ATG14: variants seen among roughly 807,000 people sequenced by gnomAD.
ATG14 encodes the protein autophagy related 14.
A neutral mutation model predicts 60.4 loss-of-function variants in ATG14; 35 were observed. The ratio of observed to expected loss-of-function variants is 0.58; its 90% CI spans 0.44 to 0.77. ATG14 has a LOEUF of 0.77. Among genes scored for constraint, ATG14 ranks in the 30% least tolerant of loss-of-function variants. ATG14 has a pLI of 0.00. For synonymous variants in ATG14, 234 were observed against 228.8 expected (o/e 1.02, Z -0.21); for missense variants, 647 against 626.3 (o/e 1.03, Z -0.35).
At chr14:55,392,775 T>C (rs941480640) in intron 3 of ATG14, among the ~76,000 whole-genome samples, 3 of 152,134 alleles carry the variant, frequency 2.0e-5, no homozygotes, top group African/African-American at 4.8e-5. Context: ...GTTACACTTA[T>C]CTAAGTAGTC....
At chr14:55,373,539 A>C (rs913708881) in intron 9 of ATG14, among the ~76,000 whole-genome samples, 30 of 152,164 alleles carry the variant, frequency 2.0e-4, no homozygotes, top group Non-Finnish European at 3.7e-4. Flanking sequence ...AGCTCACTGC[A>C]AACTCCGCCT....
chr14:55,372,427 T>C (rs1421601911), intron 9 of ATG14, among the ~76,000 whole-genome samples: 1 of 152,126 alleles, frequency 6.6e-6, no homozygotes, highest in Non-Finnish European at 1.5e-5. Flanking sequence ...TTCTGTTCTG[T>C]TCAGCTGTGC....
intron 3 of ATG14, among the ~76,000 whole-genome samples, chr14:55,392,384 C>G (rs927971980): frequency 4.6e-5 from 7 of 152,138 alleles, no homozygotes; most frequent in African/African-American, 1.7e-4. Flanking sequence ...TGCAGTGACT[C>G]ACACCTGTAA....
chr14:55,390,088 G>C (rs1885188697), intron 4 of ATG14, among the ~76,000 whole-genome samples: 1 of 151,046 alleles, frequency 6.6e-6, no homozygotes. Context: ...TTTTTTTTTT[G>C]AGACAGAGTT....
At chr14:55,400,328 AGTGT>A (rs1464511348) in intron 1 of ATG14, among the ~76,000 whole-genome samples, 3 of 152,228 alleles carry the variant, frequency 2.0e-5, no homozygotes, top group Non-Finnish European at 4.4e-5. Flanking sequence ...AGTTTTTAAA[AGTGT>A]GTGTAGGGGG....
At chr14:55,402,927 ATATATATATATATATAT>A (rs1283845234) in intron 1 of ATG14, among the ~76,000 whole-genome samples, 1 of 8,928 alleles carries the variant, frequency 1.1e-4, no homozygotes, top group Admixed American at 1.2e-3. Flanking sequence ...AAAAAAAAAA[ATATATATATATATATAT>A]ATATATATAT....
intron 1 of ATG14, among the ~76,000 whole-genome samples, chr14:55,400,601 T>G (rs1379808485): frequency 6.6e-6 from 1 of 152,132 alleles, no homozygotes; most frequent in African/African-American, 2.4e-5. Context: ...CATGAGAAAT[T>G]CCTACAAATA....
chr14:55,395,276 A>C, intron 3 of ATG14: 1 of 326,188 alleles, frequency 3.1e-6, no homozygotes, highest in Non-Finnish European at 6.2e-6. Flanking sequence ...TGCGAGGCAT[A>C]GTGCATCTAG....
intron 3 of ATG14, 52 bp from the exon 4 acceptor site, chr14:55,391,044 A>G (rs747949426): frequency 1.6e-6 from 2 of 1,221,360 alleles, no homozygotes; most frequent in Non-Finnish European, 2.3e-6. Flanking sequence ...TATGGTTAAT[A>G]TGATTATCTA....
chr14:55,381,555 A>C (rs1392746242), intron 6 of ATG14, among the ~76,000 whole-genome samples: 1 of 152,228 alleles, frequency 6.6e-6, no homozygotes, highest in Non-Finnish European at 1.5e-5. Flanking sequence ...ATGATGGAAT[A>C]TTACTCAACC....
intron 1 of ATG14, among the ~76,000 whole-genome samples, chr14:55,409,764 G>A (rs1188853823): frequency 1.3e-5 from 2 of 152,156 alleles, no homozygotes; most frequent in Non-Finnish European, 2.9e-5. Context: ...ATAGAACTTT[G>A]GTTAAGGACT....
intron 9 of ATG14, among the ~76,000 whole-genome samples, chr14:55,372,837 C>G (rs1285838959): frequency 1.3e-5 from 2 of 152,132 alleles, no homozygotes; most frequent in Non-Finnish European, 2.9e-5. Flanking sequence ...AGGAAATGTC[C>G]AAGTTCCCGG....
At chr14:55,401,292 G>A (rs1210147231) in intron 1 of ATG14, among the ~76,000 whole-genome samples, 1 of 150,944 alleles carries the variant, frequency 6.6e-6, no homozygotes, top group Non-Finnish European at 1.5e-5. Flanking sequence ...GGATTATTTA[G>A]CAGGGAAATT....
intron 1 of ATG14, 49 bp downstream of exon 1, chr14:55,411,553 T>G: frequency 1.3e-6 from 2 of 1,544,322 alleles, no homozygotes. Context: ...GCTGCCTGGC[T>G]GGAGGACACA....
In ATG14 at chr14:55,369,774, G is replaced by A. The variant is rs1173584959; in HGVS notation, c.1324C>T (p.Arg442Trp). The A allele has an allele frequency of 6.8e-6, 11 of 1,614,054 alleles. No homozygotes were observed. The highest frequency in any genetic ancestry group is 1.3e-5 in the African/African-American group (1 of 74,912). Reference sequence around the variant, plus strand: ...GACTGGGAAGGGATATCACAAAACCGGGGACTAGGCAAGTTCTCCCAGTCT... The same window carrying A: ...GACTGGGAAGGGATATCACAAAACCAGGGACTAGGCAAGTTCTCCCAGTCT... Reference protein sequence around the residue: ...GTDWENLPSPRFCDIPSQSVE... With the variant: ...GTDWENLPSPWFCDIPSQSVE... Residue 442 changes from arginine (R) to tryptophan (W), a missense_variant, in exon 10 of 10, where the codon CGG (arginine) becomes TGG (tryptophan). Transcript: ENST00000247178.
At chr14:55,405,871 C>A (rs997116563) in intron 1 of ATG14, among the ~76,000 whole-genome samples, 1 of 151,384 alleles carries the variant, frequency 6.6e-6, no homozygotes, top group Non-Finnish European at 1.5e-5. Flanking sequence ...GCCTGGGTCT[C>A]CCCTGGGGGT....
At chr14:55,389,298 G>A (rs558398699) in intron 4 of ATG14, among the ~76,000 whole-genome samples, 4 of 151,912 alleles carry the variant, frequency 2.6e-5, no homozygotes, top group East Asian at 1.9e-4. Context: ...ATGGTAAGAC[G>A]GGGAGAGCAT....
chr14:55,390,077 C>CA (rs1885188387), intron 4 of ATG14, among the ~76,000 whole-genome samples: 2 of 150,208 alleles, frequency 1.3e-5, no homozygotes, highest in East Asian at 2.0e-4. Flanking sequence ...CATTCCTTAA[C>CA]TTTTTTTTTT....
At chr14:55,376,107 G>A (rs976586105) in intron 9 of ATG14, among the ~76,000 whole-genome samples, 2 of 152,162 alleles carry the variant, frequency 1.3e-5, no homozygotes, top group Non-Finnish European at 2.9e-5. Context: ...TACTACTGTG[G>A]AGTCAGCCAG....
Sources: gnomAD v4.1 joint callset for allele counts (sites outside exome capture counted in the v4.1 genomes callset) on GRCh38, gnomAD v4.1.1 for gene constraint, MANE v1.5 for transcripts, NCBI Gene and HGNC (gene_info 2026-07-23, HGNC 2026-07-21) for gene names.